The following TBCD variants were observed in gnomAD, a reference collection of about 807,000 sequenced individuals.
TBCD encodes tubulin-specific chaperone D.
A neutral mutation model predicts 169.3 loss-of-function variants in TBCD; 105 were observed. The ratio of observed to expected loss-of-function variants is 0.62; its 90% CI spans 0.53 to 0.73. The LOEUF (loss-of-function observed/expected upper bound fraction) is 0.73, where lower values mean the gene tolerates loss of function less well. TBCD is among the 30% of genes least tolerant of loss of function. The pLI, the probability that TBCD is intolerant of heterozygous loss-of-function variation, is 0.00. For synonymous variants in TBCD, 700 were observed against 643.9 expected (o/e 1.09, Z -1.32); for missense variants, 1,444 against 1,600.1 (o/e 0.90, Z 1.66).
chr17:82,771,145 A>G (rs2144089426), intron 5 of TBCD, among the ~76,000 whole-genome samples: 1 of 151,756 alleles, frequency 6.6e-6, no homozygotes, highest in Non-Finnish European at 1.5e-5. Context: ...AAAAACCGAG[A>G]CAAGCATTGG....
chr17:82,788,767 G>A (rs2049489212), intron 7 of TBCD, among the ~76,000 whole-genome samples: 1 of 152,158 alleles, frequency 6.6e-6, no homozygotes, highest in South Asian at 2.1e-4. Context: ...TTGAGCTGCT[G>A]TGAGCTGTGC....
In TBCD at chr17:82,923,764, C is replaced by T. The variant is rs1358909491; in HGVS notation, c.2260+31C>T. On this transcript the variant is annotated intron_variant, in intron 26 of 38. Coordinates refer to ENST00000355528, the MANE Select transcript of TBCD (RefSeq NM_005993.5). The surrounding 1 kb of genome is among the most constrained non-coding windows in gnomAD (Gnocchi z 4.6). ...TGGGGAGCCCTTTTCTTGAAGACTC[C>T]AGGGGCTTCCAGCAGGAAGCTGCTG... is the stretch of plus-strand genomic sequence containing the variant. 1.9e-6 allele frequency: 3 copies of T among 1,547,316 alleles called. No homozygotes were observed. Among genetic ancestry groups the T allele is most frequent in the Non-Finnish European group, 2.6e-6 (3 of 1,142,814 alleles).
At chr17:82,813,675 C>A (rs1346316620) in intron 12 of TBCD, among the ~76,000 whole-genome samples, 1 of 152,218 alleles carries the variant, frequency 6.6e-6, no homozygotes, top group African/African-American at 2.4e-5. Context: ...TTAACTAAAT[C>A]TTTGTGAAAG....
chr17:82,904,902 G>A (rs527837074), intron 19 of TBCD, among the ~76,000 whole-genome samples: 10 of 152,230 alleles, frequency 6.6e-5, no homozygotes, highest in African/African-American at 1.2e-4. Flanking sequence ...TGAAGAGCAC[G>A]GACACCCAGA....
At chr17:82,776,838 C>T (rs1454370778) in intron 6 of TBCD, among the ~76,000 whole-genome samples, 4 of 152,130 alleles carry the variant, frequency 2.6e-5, no homozygotes, top group Non-Finnish European at 4.4e-5. Flanking sequence ...GAGGCAGCCC[C>T]AGGAACACCC....
chr17:82,850,036 T>TGCTGCTGTTGGCTGTGCTGC (rs1567887000), intron 13 of TBCD, among the ~76,000 whole-genome samples: 3 of 20,878 alleles, frequency 1.4e-4, no homozygotes, highest in African/African-American at 3.2e-4. Context: ...GGCTGTGCTG[T>TGCTGCTGTTGGCTGTGCTGC]TGTTGGCTGT....
At chr17:82,905,566 C>T (rs2060189085) in intron 19 of TBCD, among the ~76,000 whole-genome samples, 1 of 83,744 alleles carries the variant, frequency 1.2e-5, no homozygotes, top group Non-Finnish European at 2.3e-5. Flanking sequence ...TGCACGCCGT[C>T]ACCTGCCCTC....
chr17:82,800,897 G>C lies in TBCD; in HGVS notation c.851G>C (p.Arg284Thr). The C allele has an allele frequency of 6.2e-7, 1 of 1,612,850 alleles. No individual in the cohort carries two copies. The highest frequency in any genetic ancestry group is 8.5e-7 in the Non-Finnish European group (1 of 1,179,624). ...ATVLRCLDGC[R>T]LPESNQTLLR... ...GTCCTCAGGTGCCTCGATGGCTGCAGACTCCCTGAGAGCAACCAGACCCTG... is the reference window on the plus strand; with the variant it reads ...GTCCTCAGGTGCCTCGATGGCTGCACACTCCCTGAGAGCAACCAGACCCTG... Residue 284 changes from arginine (R) to threonine (T), a missense_variant, in exon 9 of 39, where the codon AGA becomes ACA. By Grantham distance (71) the Arg-to-Thr change is moderately conservative (BLOSUM62 -1). Transcript: ENST00000355528.
chr17:82,850,116 CTGTTGGCTGTGTTGT>C (rs1347825701), intron 13 of TBCD, among the ~76,000 whole-genome samples: 2,429 of 68,424 alleles, frequency 0.035, 1,005 homozygotes, highest in Middle Eastern at 0.051. Context: ...GGCTGTGCTG[CTGTTGGCTGTGTTGT>C]TGTTGGCTGT....
chr17:82,906,185 G>A (rs1228835124), intron 20 of TBCD, 132 bp downstream of exon 20: 7 of 702,782 alleles, frequency 1.0e-5, no homozygotes, highest in East Asian at 2.9e-5. Context: ...TGTCACAGTC[G>A]ATAGGCCCCA....
In TBCD at chr17:82,752,337, C is replaced by G; in HGVS notation, c.144C>G (p.Gly48=). ...TGGGCCGCCTGCGGGAGGTGCACGG[C>G]GGCGGCGCGGAGCGCGAGGTGGCCC... is the stretch of plus-strand genomic sequence containing the variant. ...ALLGRLREVH[G]GGAEREVALE... Residue 48 remains glycine, a synonymous_variant, in exon 1 of 39, where the codon GGC becomes GGG. Coordinates refer to ENST00000355528, the MANE Select transcript of TBCD (RefSeq NM_005993.5). 1 of 1,419,396 alleles carries G rather than the reference C, an allele frequency of 7.0e-7. No individual in the cohort carries two copies. The allele number at this position is 1,419,396 out of a possible 1,614,324, so 87.9% of individuals were successfully genotyped here.
intron 17 of TBCD, among the ~76,000 whole-genome samples, chr17:82,898,546 T>G (rs1436798600): frequency 6.6e-6 from 1 of 152,226 alleles, no homozygotes; most frequent in African/African-American, 2.4e-5. Flanking sequence ...TTTGATGATA[T>G]TTCTGCTACA....
intron 7 of TBCD, among the ~76,000 whole-genome samples, chr17:82,793,033 G>T (rs1017391753): frequency 1.6e-4 from 24 of 152,124 alleles, no homozygotes; most frequent in African/African-American, 4.8e-4. Flanking sequence ...AAAGCGCTCG[G>T]ATTCTAGGTG....
chr17:82,805,840 A>G lies in TBCD; in HGVS notation c.951-35A>G, dbSNP rs373174666. 322 of 1,583,626 alleles carry G rather than the reference A, an allele frequency of 2.0e-4. 1 individual carries two copies. The Admixed American group carries it at 5.4e-3, about 26-fold the overall frequency. On this transcript the variant is annotated intron_variant, in intron 9 of 38. Coordinates refer to ENST00000355528, the MANE Select transcript of TBCD (RefSeq NM_005993.5). ...TCCAGTCATCAGGATGCTGTGAGCT[A>G]CAAAGCTGATCTGAGGATGCTTTGC...
chr17:82,852,415 A>G (rs2055873096), intron 13 of TBCD, among the ~76,000 whole-genome samples: 1 of 152,140 alleles, frequency 6.6e-6, no homozygotes. Flanking sequence ...AGCAGCACAA[A>G]TGTATCCCTC....
At chr17:82,916,400 G>T (rs1434419668) in intron 23 of TBCD, among the ~76,000 whole-genome samples, 1 of 151,934 alleles carries the variant, frequency 6.6e-6, no homozygotes, top group South Asian at 2.1e-4. Flanking sequence ...ATGCGCCACC[G>T]TGGCAGGCTA....
intron 13 of TBCD, among the ~76,000 whole-genome samples, chr17:82,866,386 C>T (rs2057174186): frequency 6.6e-6 from 1 of 152,238 alleles, no homozygotes; most frequent in Non-Finnish European, 1.5e-5. Context: ...AATTGATCAT[C>T]TCACACCCTC....
Position 82,884,712 on chromosome 17 carries a change from T to G in TBCD, c.1533+510T>G, listed in dbSNP as rs1258454423. 1.6e-5 allele frequency: 3 copies of G among 188,950 alleles called. No homozygotes were observed. The highest frequency in any genetic ancestry group is 2.3e-5 in the Non-Finnish European group (2 of 88,132). The allele number at this position is 188,950 out of a possible 1,614,324, so 11.7% of individuals were successfully genotyped here. A position where few individuals can be genotyped will look rare whatever the true frequency, so the allele number is the denominator to read the frequency against. ...GCGTCTTGAACACAGATGGCTGGTT[T>G]CCTCTAGAGAGAGCCCTGTGACGTT... On this transcript the variant is annotated intron_variant, in intron 15 of 38. Coordinates refer to ENST00000355528, the MANE Select transcript of TBCD (RefSeq NM_005993.5). This position sits in a 1 kb window ranked among gnomAD's most constrained non-coding sequence, Gnocchi z 4.2.
rs2048139263 is a variant in TBCD, at chr17:82,768,528, C to T, written c.544C>T (p.Arg182Ter). The change falls in exon 5 of 39, where the codon CGA becomes TGA. Residue 182 changes from arginine (R) to a stop codon, truncating the protein, a stop_gained. Coordinates refer to ENST00000355528, the MANE Select transcript of TBCD (RefSeq NM_005993.5). LOFTEE classifies it high-confidence loss of function. ...CCTCCTCACCCAGCCTGGGCAAGCACGAATGTCCATAATGGACCGTATTCT... is the reference window on the plus strand; with the variant it reads ...CCTCCTCACCCAGCCTGGGCAAGCATGAATGTCCATAATGGACCGTATTCT... ...GNLLTQPGQARMSIMDRILQI... is the reference protein window; with the variant it reads ...GNLLTQPGQA 1.9e-6 allele frequency: 3 copies of T among 1,613,966 alleles called. No individual in the cohort carries two copies. The highest frequency in any genetic ancestry group is 2.2e-5 in the East Asian group (1 of 44,884).
Sources: gnomAD v4.1 joint callset for allele counts (sites outside exome capture counted in the v4.1 genomes callset) on GRCh38, gnomAD v4.1.1 for gene constraint, Gnocchi (gnomAD v3.1) non-coding constraint, MANE v1.5 for transcripts, NCBI Gene and HGNC (gene_info 2026-07-23, HGNC 2026-07-21) for gene names.